Variants in NRXN3 observed in about 807,000 individuals in gnomAD.
The protein encoded by NRXN3 is neurexin 3.
Under a neutral mutation model 137.6 loss-of-function variants are expected in NRXN3, and 32 were observed. The ratio of observed to expected loss-of-function variants is 0.23; its 90% CI spans 0.18 to 0.31. The LOEUF (loss-of-function observed/expected upper bound fraction) is 0.31, where lower values mean the gene tolerates loss of function less well. Among genes scored for constraint, NRXN3 ranks in the 10% least tolerant of loss-of-function variants. The pLI, the probability that NRXN3 is intolerant of heterozygous loss-of-function variation, is 1.00. For missense variants in NRXN3, 1,574 were observed against 2,062.5 expected, an observed-to-expected ratio of 0.76 and a Z score of 4.59; for synonymous variants, 798 against 784.5, an observed-to-expected ratio of 1.02 and a Z score of -0.29.
chr14:78,709,267 G>C lies in NRXN3; in HGVS notation c.1272G>C (p.Arg424=). The change falls in exon 7 of 21, where the codon CGG becomes CGC. Residue 424 remains arginine, a synonymous_variant. Coordinates refer to ENST00000335750, the MANE Select transcript of NRXN3 (RefSeq NM_001330195.2). ...GTCTGGAGCTGTCTCGCCTGGCCCG[G>C]ATTGCGGACACCAAGATGAAAATCT... ...DIRLELSRLA[R]IADTKMKIYG... 2 of 1,614,120 alleles carry C rather than the reference G, an allele frequency of 1.2e-6. No homozygotes were observed. Among genetic ancestry groups the C allele is most frequent in the Non-Finnish European group, 1.7e-6 (2 of 1,180,006 alleles).
intron 15 of NRXN3, among the ~76,000 whole-genome samples, chr14:79,405,913 AG>A (rs1241191627): frequency 6.6e-6 from 1 of 152,180 alleles, no homozygotes. Context: ...TTATTTTACA[AG>A]GGTTCATTGT....
chr14:79,259,197 G>A (rs935685705), intron 15 of NRXN3, among the ~76,000 whole-genome samples: 2 of 152,134 alleles, frequency 1.3e-5, no homozygotes, highest in Non-Finnish European at 2.9e-5. Context: ...CCCTTGGTAG[G>A]GCAAGGAAGG....
intron 15 of NRXN3, among the ~76,000 whole-genome samples, chr14:79,436,344 C>T (rs1015959879): frequency 1.1e-4 from 17 of 152,134 alleles, no homozygotes; most frequent in African/African-American, 3.6e-4. Flanking sequence ...TTCCTTTCCT[C>T]TCTGGTGTTT....
intron 15 of NRXN3, among the ~76,000 whole-genome samples, chr14:79,165,464 AG>A (rs1192634079): frequency 6.6e-6 from 1 of 152,002 alleles, no homozygotes; most frequent in African/African-American, 2.4e-5. Flanking sequence ...CTTAAAGAAA[AG>A]GTTCCACTCT....
rs113373720 is a variant in NRXN3, at chr14:78,943,580, G to T, written c.2276-13662G>T. Among the ~76,000 whole-genome samples, 27 of 125,500 alleles carry T rather than the reference G, an allele frequency of 2.2e-4. 1 individual carries two copies. The highest frequency in any genetic ancestry group is 7.3e-4 in the African/African-American group (25 of 34,230). 82.3% of individuals were successfully genotyped at this position (125,500 alleles called of 152,430 possible). A position where few individuals can be genotyped will look rare whatever the true frequency, so the allele number is the denominator to read the frequency against. On this transcript the variant is annotated intron_variant, in intron 10 of 20. Coordinates refer to ENST00000335750, the MANE Select transcript of NRXN3 (RefSeq NM_001330195.2). ...TAAAGAAAGCTAACAGGAAAAGTCT[G>T]AAGGTTGAGAAAAGAAGCAAGATCA... is the stretch of plus-strand genomic sequence containing the variant.
intron 16 of NRXN3, among the ~76,000 whole-genome samples, chr14:79,629,352 C>T (rs1266371952): frequency 2.6e-5 from 4 of 152,298 alleles, no homozygotes; most frequent in Admixed American, 6.5e-5. Context: ...ATTTACAATG[C>T]TCATCTTCCC....
At chr14:79,471,786 G>C (rs1203417547) in intron 16 of NRXN3, among the ~76,000 whole-genome samples, 2 of 152,166 alleles carry the variant, frequency 1.3e-5, no homozygotes, top group Non-Finnish European at 2.9e-5. Flanking sequence ...TGGGGCAAAT[G>C]AAGAAAGGGT....
intron 8 of NRXN3, among the ~76,000 whole-genome samples, chr14:78,766,165 G>A (rs1467976299): frequency 1.3e-5 from 2 of 152,134 alleles, no homozygotes; most frequent in Non-Finnish European, 2.9e-5. Context: ...ATCATGGATG[G>A]TCCTTTGTAG....
chr14:79,647,476 TA>T (rs2098457770), intron 16 of NRXN3, among the ~76,000 whole-genome samples: 1 of 136,182 alleles, frequency 7.3e-6, no homozygotes, highest in South Asian at 2.3e-4. Flanking sequence ...TCCTACTGTT[TA>T]TTGGCTAAGT....
intron 4 of NRXN3, among the ~76,000 whole-genome samples, chr14:78,576,122 A>C (rs1038553899): frequency 9.9e-5 from 15 of 152,256 alleles, no homozygotes; most frequent in African/African-American, 3.1e-4. Context: ...TAATTAATGC[A>C]TTAATAATAC....
intron 8 of NRXN3, among the ~76,000 whole-genome samples, chr14:78,739,004 C>T (rs977414679): frequency 6.6e-6 from 1 of 152,198 alleles, no homozygotes; most frequent in African/African-American, 2.4e-5. Context: ...GCTTACCACA[C>T]TGTCTCTGTC....
At chr14:78,398,827 T>C (rs916110398) in intron 4 of NRXN3, among the ~76,000 whole-genome samples, 1 of 152,126 alleles carries the variant, frequency 6.6e-6, no homozygotes, top group Non-Finnish European at 1.5e-5. Context: ...GTGGAGGGTT[T>C]TGTTGTTACA....
chr14:78,697,058 A>G (rs1035333170), intron 6 of NRXN3, among the ~76,000 whole-genome samples: 5 of 152,126 alleles, frequency 3.3e-5, no homozygotes, highest in African/African-American at 7.2e-5. Flanking sequence ...AGTGTCATAG[A>G]CAACCATTCG....
intron 4 of NRXN3, among the ~76,000 whole-genome samples, chr14:78,496,801 T>C (rs1014221505): frequency 2.0e-5 from 3 of 151,988 alleles, no homozygotes; most frequent in Non-Finnish European, 2.9e-5. Flanking sequence ...CCAGTACGTC[T>C]GGAATGCAGG....
chr14:79,197,521 T>C (rs2065293991), intron 15 of NRXN3, among the ~76,000 whole-genome samples: 2 of 152,012 alleles, frequency 1.3e-5, no homozygotes, highest in East Asian at 3.9e-4. Flanking sequence ...CTGTTTTTTC[T>C]TCTCTTTTTC....
intron 4 of NRXN3, among the ~76,000 whole-genome samples, chr14:78,348,744 G>A (rs777423399): frequency 1.3e-5 from 2 of 152,124 alleles, no homozygotes; most frequent in Non-Finnish European, 2.9e-5. Context: ...CTCTGGGGGC[G>A]GAATCCACCT....
intron 19 of NRXN3, among the ~76,000 whole-genome samples, chr14:79,790,544 A>C (rs562492710): frequency 6.6e-6 from 1 of 151,234 alleles, no homozygotes; most frequent in South Asian, 2.1e-4. Flanking sequence ...TCTGAGTTCA[A>C]GTAATCCTCC....
intron 16 of NRXN3, among the ~76,000 whole-genome samples, chr14:79,531,910 A>G (rs1421556522): frequency 6.6e-6 from 1 of 152,222 alleles, no homozygotes; most frequent in Non-Finnish European, 1.5e-5. Flanking sequence ...AGAGTACGTT[A>G]ATCAAGGGGA....
chr14:79,853,582 A>G (rs531795365), intron 20 of NRXN3: 4 of 1,351,732 alleles, frequency 3.0e-6, no homozygotes, highest in African/African-American at 1.5e-5. Flanking sequence ...CCGCCCTTAC[A>G]TGGACATGGC....
Sources: gnomAD v4.1 joint callset for allele counts (sites outside exome capture counted in the v4.1 genomes callset) on GRCh38, gnomAD v4.1.1 for gene constraint, MANE v1.5 for transcripts, NCBI Gene and HGNC (gene_info 2026-07-23, HGNC 2026-07-21) for gene names.